Variants in ANKMY1 observed in about 807,000 individuals in gnomAD.
ANKMY1 encodes ankyrin repeat and MYND domain-containing protein 1.
In ANKMY1, 98 loss-of-function variants were observed where a neutral mutation model predicts 102.0. The ratio of observed to expected loss-of-function variants is 0.96; its 90% confidence interval spans 0.82 to 1.14. The LOEUF is 1.14. Among genes scored for constraint, ANKMY1 ranks in the 50% most tolerant of loss-of-function variants. The pLI, the probability that ANKMY1 is intolerant of heterozygous loss-of-function variation, is 0.00. For missense variants in ANKMY1, 1,330 were observed against 1,347.6 expected, an observed-to-expected ratio of 0.99 and a Z score of 0.20; for synonymous variants, 582 against 559.9, an observed-to-expected ratio of 1.04 and a Z score of -0.56.
At chr2:240,552,627 T>C in intron 4 of ANKMY1, 1 of 411,264 alleles carries the variant, frequency 2.4e-6, no homozygotes, top group Non-Finnish European at 4.5e-6. Context: ...ATTTCAAACA[T>C]TATGTGTACA....
downstream of ANKMY1, among the ~76,000 whole-genome samples, chr2:240,477,536 C>T (rs1053707711): frequency 5.3e-5 from 8 of 152,082 alleles, no homozygotes; most frequent in East Asian, 1.9e-4. Context: ...GCTGGGACTA[C>T]GGTGTGTGCG....
chr2:240,506,256 C>T lies in ANKMY1; in HGVS notation c.2526+1304G>A, dbSNP rs1423066138. Among the ~76,000 whole-genome samples, 6 of 152,214 alleles carry T rather than the reference C, an allele frequency of 3.9e-5. No homozygotes were observed. Among genetic ancestry groups the T allele is most frequent in the African/African-American group, 1.4e-4 (6 of 41,456 alleles). On this transcript the variant is annotated intron_variant, in intron 13 of 17. Transcript: ENST00000401804. The surrounding 1 kb of genome is among the most constrained non-coding windows in gnomAD (Gnocchi z 4.9). ...CCCCTGAGCTGCCTCTCCCGTCTCG[C>T]GTCCTTTCTCTATTTACTCAGACTT... is the stretch of plus-strand genomic sequence containing the variant.
intron 15 of ANKMY1, among the ~76,000 whole-genome samples, chr2:240,483,945 C>T (rs1043074156): frequency 6.6e-6 from 1 of 152,138 alleles, no homozygotes; most frequent in Non-Finnish European, 1.5e-5. Flanking sequence ...GTTTGGTTTT[C>T]TGTTCCTGTG....
chr2:240,525,649 G>C lies in ANKMY1; in HGVS notation c.1335+36C>G, dbSNP rs1559325579. 2.5e-6 allele frequency: 4 copies of C among 1,605,130 alleles called. No individual in the cohort carries two copies. In the East Asian group the frequency reaches 9.0e-5, roughly 36 times the overall value. ...TACAGAGACAGAGAAGACTACAGGA[G>C]ACAGTTGGTGGTGCAGTGGCCACCG... On this transcript the variant is annotated intron_variant, in intron 7 of 17. Coordinates refer to ENST00000401804, the MANE Select transcript of ANKMY1 (RefSeq NM_001282771.3).
Position 240,557,352 on chromosome 2 carries a change from C to T in ANKMY1, c.-17G>A. 1 of 1,511,732 alleles carries T rather than the reference C, an allele frequency of 6.6e-7. No homozygotes were observed. Among genetic ancestry groups the T allele is most frequent in the East Asian group, 2.5e-5 (1 of 39,500 alleles). 93.6% of individuals were successfully genotyped at this position (1,511,732 alleles called of 1,614,324 possible). On this transcript the variant is annotated splice_region_variant and 5_prime_UTR_variant, in exon 2 of 18. Transcript: ENST00000401804. ...CCCTTCCATGTCTGTGGTCTTCCAA[C>T]CTGCAAGCGACGTCAGGACCGCACA...
intron 2 of ANKMY1, among the ~76,000 whole-genome samples, chr2:240,556,871 T>C (rs758456485): frequency 6.6e-6 from 1 of 152,154 alleles, no homozygotes; most frequent in Non-Finnish European, 1.5e-5. Context: ...CCCCTGGCTG[T>C]GAACAACAGA....
rs1344573998 is a variant in ANKMY1 at position 240,499,559 on chromosome 2, C to A, written c.2806+399G>T. ...GGAGCTGGGGACATGTAGGGGTGTG[C>A]AGGATGCACCCTGTAGGGAGGGGTG... On this transcript the variant is annotated intron_variant, in intron 15 of 17. Transcript: ENST00000401804. The surrounding 1 kb of genome is among the most constrained non-coding windows in gnomAD (Gnocchi z 4.2). Among the ~76,000 whole-genome samples, 2 of 151,888 alleles carry A rather than the reference C, an allele frequency of 1.3e-5. No homozygotes were observed. The highest frequency in any genetic ancestry group is 4.8e-5 in the African/African-American group (2 of 41,296).
chr2:240,487,611 C>T (rs2151901239), intron 15 of ANKMY1, among the ~76,000 whole-genome samples: 1 of 152,182 alleles, frequency 6.6e-6, no homozygotes, highest in South Asian at 2.1e-4. Context: ...GTTCCCTTTC[C>T]TTGGCATCCT....
intron 4 of ANKMY1, among the ~76,000 whole-genome samples, chr2:240,536,867 C>T (rs535283264): frequency 1.3e-5 from 2 of 152,124 alleles, no homozygotes; most frequent in African/African-American, 4.8e-5. Flanking sequence ...GCTAAATATT[C>T]ATTTTGATTT....
intron 11 of ANKMY1, among the ~76,000 whole-genome samples, chr2:240,509,848 C>T (rs1202642442): frequency 6.6e-6 from 1 of 151,992 alleles, no homozygotes; most frequent in Non-Finnish European, 1.5e-5. Context: ...GCTCAGTGAT[C>T]GTAGAGGACG....
chr2:240,490,074 G>A (rs1315492571), intron 15 of ANKMY1, among the ~76,000 whole-genome samples: 2 of 152,074 alleles, frequency 1.3e-5, no homozygotes, highest in East Asian at 3.9e-4. Flanking sequence ...TTGTATTTCT[G>A]TGGTATCAGT....
Position 240,515,817 on chromosome 2 carries a change from A to G in ANKMY1, c.2005-2875T>C, listed in dbSNP as rs1264265500. Among the ~76,000 whole-genome samples the G allele has an allele frequency of 2.0e-5, 3 of 151,746 alleles. No individual in the cohort carries two copies. In the South Asian group the frequency reaches 6.3e-4, roughly 32 times the overall value. On this transcript the variant is annotated intron_variant, in intron 9 of 17. Coordinates refer to ENST00000401804, the MANE Select transcript of ANKMY1 (RefSeq NM_001282771.3). ...ACTGCAAGCTCCTCCTCCCAGGTTC[A>G]CACCATTCTCCTGCCTCAGCCTCCC...
intron 8 of ANKMY1, chr2:240,522,009 G>C (rs964044159): frequency 1.3e-5 from 2 of 152,266 alleles, no homozygotes; most frequent in Non-Finnish European, 2.9e-5. Context: ...AAACTAAGCA[G>C]GTTGTCGCTG....
At chr2:240,498,496 GT>G (rs1559254083) in intron 15 of ANKMY1, among the ~76,000 whole-genome samples, 1 of 99,394 alleles carries the variant, frequency 1.0e-5, no homozygotes, top group African/African-American at 3.6e-5. Flanking sequence ...GCTGAGGGGG[GT>G]GTGCGGGCAG....
intron 15 of ANKMY1, among the ~76,000 whole-genome samples, chr2:240,498,706 G>A (rs1244059950): frequency 1.3e-5 from 2 of 152,110 alleles, no homozygotes; most frequent in African/African-American, 4.8e-5. Context: ...CCCCCTGTGG[G>A]AGGTGGGGCC....
At chr2:240,547,148 TATAAC>T (rs1430759611) in intron 4 of ANKMY1, among the ~76,000 whole-genome samples, 1 of 151,984 alleles carries the variant, frequency 6.6e-6, no homozygotes, top group African/African-American at 2.4e-5. Flanking sequence ...GAACAGAAAT[TATAAC>T]AAACTATCCT....
Position 240,485,064 on chromosome 2 carries a change from C to T in ANKMY1, c.2807-2803G>A, listed in dbSNP as rs192916004. On this transcript the variant is annotated intron_variant, in intron 15 of 17. Coordinates refer to ENST00000401804, the MANE Select transcript of ANKMY1 (RefSeq NM_001282771.3). ...CAGGAAACAGCCAGGCGCGGTGGCT[C>T]ATGCCTGTAATCCCAGCACTTTGGG... 2.3e-3 allele frequency among the ~76,000 whole-genome samples: 352 copies of T among 152,268 alleles called. 2 individuals carry two copies. The highest frequency in any genetic ancestry group is 8.1e-3 in the African/African-American group (337 of 41,550).
At chr2:240,495,534 G>A (rs563521005) in intron 15 of ANKMY1, among the ~76,000 whole-genome samples, 7 of 152,192 alleles carry the variant, frequency 4.6e-5, no homozygotes, top group African/African-American at 9.6e-5. Flanking sequence ...TCTCCACCTC[G>A]GCTGCCAAAC....
At chr2:240,478,169 G>A (rs1180348544), downstream of ANKMY1, among the ~76,000 whole-genome samples, 1 of 152,166 alleles carries the variant, frequency 6.6e-6, no homozygotes, top group Non-Finnish European at 1.5e-5. Flanking sequence ...CGCCATGATT[G>A]AAGCTGAGCA....
Sources: gnomAD v4.1 joint callset for allele counts (sites outside exome capture counted in the v4.1 genomes callset) on GRCh38, gnomAD v4.1.1 for gene constraint, Gnocchi (gnomAD v3.1) non-coding constraint, MANE v1.5 for transcripts, NCBI Gene and HGNC (gene_info 2026-07-23, HGNC 2026-07-21) for gene names.